ARSF: variants seen among roughly 807,000 people sequenced by gnomAD.
ARSF encodes the protein arylsulfatase F.
ARSF carries 33 observed loss-of-function variants against 35.4 expected under a neutral mutation model. The ratio of observed to expected loss-of-function variants is 0.93; its 90% CI spans 0.71 to 1.25. ARSF has a LOEUF of 1.25. Among genes scored for constraint, ARSF ranks in the 50% most tolerant of loss-of-function variants. The probability of loss-of-function intolerance (pLI) is 0.00; values close to 1 mark genes in which losing one functional copy is unlikely to be tolerated. For synonymous variants in ARSF, 222 were observed against 193.1 expected (o/e 1.15, Z -1.24); for missense variants, 501 against 480.2 (o/e 1.04, Z -0.40).
At chrX:3,108,809 G>A (rs149505090) in intron 9 of ARSF, among the ~76,000 whole-genome samples, 1 of 111,534 alleles carries the variant, frequency 9.0e-6, no homozygotes, top group Admixed American at 9.6e-5. Context: ...CTGAGGTCAG[G>A]AGTTTGAGAC....
intron 9 of ARSF, among the ~76,000 whole-genome samples, chrX:3,109,144 A>G (rs2090428136): frequency 9.0e-6 from 1 of 110,858 alleles, no homozygotes; most frequent in African/African-American, 3.3e-5. Context: ...ACATGGAGAA[A>G]CCCCATCTCT....
At chrX:3,100,018 A>T (rs1379740797) in intron 7 of ARSF, among the ~76,000 whole-genome samples, 3 of 111,470 alleles carry the variant, frequency 2.7e-5, no homozygotes, top group African/African-American at 9.8e-5. Flanking sequence ...GCTTTTTCAT[A>T]ATTATGCATA....
intron 2 of ARSF, among the ~76,000 whole-genome samples, chrX:3,068,542 C>T (rs1156473572): frequency 9.0e-6 from 1 of 111,582 alleles, no homozygotes; most frequent in Non-Finnish European, 1.9e-5. Flanking sequence ...GCCTCAGCCT[C>T]CAGAGTAGCT....
At chrX:3,079,342 ATTTTTTTTT>A (rs57390116) in intron 4 of ARSF, among the ~76,000 whole-genome samples, 2 of 71,176 alleles carry the variant, frequency 2.8e-5, no homozygotes, top group African/African-American at 1.1e-4. Flanking sequence ...GCATGGTTCT[ATTTTTTTTT>A]TTTTTTTTTT....
intron 5 of ARSF, among the ~76,000 whole-genome samples, chrX:3,081,884 T>C (rs1569140255): frequency 9.0e-6 from 1 of 111,278 alleles, no homozygotes; most frequent in Admixed American, 9.6e-5. Flanking sequence ...TTTCAGCTGG[T>C]GTGAGAATAA....
chrX:3,088,023 G>A (rs1007613471), intron 6 of ARSF, among the ~76,000 whole-genome samples: 2 of 111,750 alleles, frequency 1.8e-5, no homozygotes, highest in Admixed American at 9.6e-5. Context: ...TCTCACCAGA[G>A]CAGAAATTTC....
chrX:3,046,116 C>T (rs1319261121), intron 1 of ARSF, among the ~76,000 whole-genome samples: 1 of 111,286 alleles, frequency 9.0e-6, no homozygotes, highest in Non-Finnish European at 1.9e-5. Flanking sequence ...GAACTCCTAA[C>T]CTCAGATGAT....
chrX:3,093,670 T>A (rs1377578149), intron 7 of ARSF, among the ~76,000 whole-genome samples: 1 of 111,975 alleles, frequency 8.9e-6, no homozygotes, highest in Non-Finnish European at 1.9e-5. Flanking sequence ...GTTCTATGTC[T>A]TTGCTATTGT....
chrX:3,102,884 C>G (rs971260606), intron 8 of ARSF, among the ~76,000 whole-genome samples: 2 of 109,700 alleles, frequency 1.8e-5, no homozygotes, highest in African/African-American at 6.7e-5. Flanking sequence ...TGCACTCCAG[C>G]CTGGCAACAG....
chrX:3,072,413 A>G (rs1240049606), intron 3 of ARSF, among the ~76,000 whole-genome samples: 1 of 111,755 alleles, frequency 8.9e-6, no homozygotes, highest in Non-Finnish European at 1.9e-5. Context: ...ATAATTGTCC[A>G]TCTTCACAGG....
intron 5 of ARSF, among the ~76,000 whole-genome samples, chrX:3,082,695 G>A (rs2090211224): frequency 1.8e-5 from 2 of 110,616 alleles, no homozygotes; most frequent in Non-Finnish European, 3.8e-5. Context: ...TGCTCCATCT[G>A]TCCTCCATCA....
In ARSF at chrX:3,071,883, T is replaced by G. The variant is rs183108127; in HGVS notation, c.12-143T>G. On this transcript the variant is annotated intron_variant, in intron 2 of 10. Coordinates refer to ENST00000381127, the MANE Select transcript of ARSF (RefSeq NM_001201539.2). ...CCATTCAGCAGCAGTGCTCGGTGCT[T>G]GGAGAGAGACACTCTTGAGCTTCAG... The G allele has an allele frequency of 2.0e-4, 115 of 579,746 alleles. No individual in the cohort carries two copies. In the Middle Eastern group the frequency reaches 3.7e-3, roughly 18 times the overall value. 47.8% of individuals were successfully genotyped at this position (579,746 alleles called of 1,213,427 possible).
At chrX:3,093,604 G>C (rs2090317311) in intron 7 of ARSF, among the ~76,000 whole-genome samples, 1 of 111,916 alleles carries the variant, frequency 8.9e-6, no homozygotes, top group Non-Finnish European at 1.9e-5. Context: ...CTTTTTTATG[G>C]CTGTGTAGTA....
intron 2 of ARSF, among the ~76,000 whole-genome samples, chrX:3,070,938 G>GGT (rs36129786): frequency 0.051 from 4,826 of 95,076 alleles, 246 homozygotes; most frequent in African/African-American, 0.16. Flanking sequence ...AGTATTCCAT[G>GGT]GTGTGTGTGT....
At chrX:3,106,389 A>C (rs774816595) in intron 9 of ARSF, among the ~76,000 whole-genome samples, 5 of 111,796 alleles carry the variant, frequency 4.5e-5, no homozygotes, top group Non-Finnish European at 7.5e-5. Flanking sequence ...ATGTGCATTG[A>C]CCAGTTAAAT....
chrX:3,089,423 A>G (rs2090272206), intron 6 of ARSF, 73 bp from the exon 7 acceptor site: 2 of 1,133,278 alleles, frequency 1.8e-6, no homozygotes, highest in Non-Finnish European at 1.2e-6. Context: ...CATGTCTATG[A>G]GAAGCCAAAA....
At chrX:3,079,991 A>AG (rs2090186556) in intron 4 of ARSF, among the ~76,000 whole-genome samples, 3 of 96,838 alleles carry the variant, frequency 3.1e-5, no homozygotes, top group Non-Finnish European at 4.2e-5. Flanking sequence ...AAAAAAAAAA[A>AG]AGAGAGAGAG....
At chrX:3,070,435 G>A (rs1284555892) in intron 2 of ARSF, among the ~76,000 whole-genome samples, 3 of 109,899 alleles carry the variant, frequency 2.7e-5, no homozygotes, top group African/African-American at 1.0e-4. Context: ...TACCTGTAGA[G>A]ACTCATTTAA....
At chrX:3,098,782 C>T (rs2090356520) in intron 7 of ARSF, among the ~76,000 whole-genome samples, 1 of 111,131 alleles carries the variant, frequency 9.0e-6, no homozygotes, top group South Asian at 3.8e-4. Context: ...AGTCAAATGG[C>T]AATGGGGCAG....
Sources: gnomAD v4.1 joint callset for allele counts (sites outside exome capture counted in the v4.1 genomes callset) on GRCh38, gnomAD v4.1.1 for gene constraint, MANE v1.5 for transcripts, NCBI Gene and HGNC (gene_info 2026-07-23, HGNC 2026-07-21) for gene names.